Variants in ZBTB20 observed in about 807,000 individuals in gnomAD.
ZBTB20 encodes zinc finger and BTB domain-containing protein 20.
A neutral mutation model predicts 56.9 loss-of-function variants in ZBTB20; 9 were observed. That is an observed-to-expected ratio of 0.16 (90% CI 0.10 to 0.28). The LOEUF is 0.28. ZBTB20 is among the 10% of genes least tolerant of loss of function. ZBTB20 has a pLI of 1.00. For synonymous variants in ZBTB20, 417 were observed against 420.7 expected (o/e 0.99, Z 0.11); for missense variants, 655 against 1,003.0 (o/e 0.65, Z 4.69).
chr3:115,003,565 T>C (rs1190198441), intron 2 of ZBTB20, among the ~76,000 whole-genome samples: 1 of 151,564 alleles, frequency 6.6e-6, no homozygotes, highest in African/African-American at 2.4e-5. Flanking sequence ...TGTGGTGATA[T>C]GAGCCTATAA....
intron 6 of ZBTB20, among the ~76,000 whole-genome samples, chr3:114,626,531 A>G (rs1324008140): frequency 1.3e-5 from 2 of 152,222 alleles, no homozygotes; most frequent in South Asian, 2.1e-4. Flanking sequence ...AGAGGAATCA[A>G]TATGAAGACT....
At chr3:114,736,285 G>A (rs965312896) in intron 5 of ZBTB20, among the ~76,000 whole-genome samples, 3 of 152,024 alleles carry the variant, frequency 2.0e-5, no homozygotes, top group Non-Finnish European at 4.4e-5. Context: ...ATGTTGCCTG[G>A]CACATAAAAA....
chr3:114,636,901 G>A (rs1252613630), intron 6 of ZBTB20, among the ~76,000 whole-genome samples: 1 of 115,886 alleles, frequency 8.6e-6, no homozygotes, highest in African/African-American at 3.4e-5. Flanking sequence ...TCCATATGCT[G>A]TTAAAACAGC....
intron 3 of ZBTB20, among the ~76,000 whole-genome samples, chr3:114,961,666 G>C (rs2077456566): frequency 6.6e-6 from 1 of 152,024 alleles, no homozygotes; most frequent in Admixed American, 6.6e-5. Context: ...CGTTGTTCTT[G>C]CCTAAGAGGA....
chr3:114,384,262 A>G (rs1016360258), intron 8 of ZBTB20, among the ~76,000 whole-genome samples: 3 of 152,066 alleles, frequency 2.0e-5, no homozygotes, highest in African/African-American at 4.8e-5. Flanking sequence ...AAAAAGTTAG[A>G]CAAGCCAACA....
chr3:114,737,210 T>C (rs2066237870), intron 5 of ZBTB20, among the ~76,000 whole-genome samples: 2 of 152,200 alleles, frequency 1.3e-5, no homozygotes, highest in Non-Finnish European at 2.9e-5. Flanking sequence ...AATAGAACTC[T>C]AAAGACTTAG....
intron 4 of ZBTB20, among the ~76,000 whole-genome samples, chr3:114,861,604 T>TG (rs535150183): frequency 7.0e-4 from 107 of 152,134 alleles, no homozygotes; most frequent in African/African-American, 2.4e-3. Flanking sequence ...CCTGTTGCTG[T>TG]GGGGCATTTA....
chr3:114,823,581 T>C (rs2073366533), intron 4 of ZBTB20, among the ~76,000 whole-genome samples: 1 of 152,088 alleles, frequency 6.6e-6, no homozygotes, highest in Non-Finnish European at 1.5e-5. Context: ...TTAAAACTTA[T>C]GCTAAAGCAC....
intron 4 of ZBTB20, among the ~76,000 whole-genome samples, chr3:114,813,036 C>G (rs1011235021): frequency 6.6e-6 from 1 of 152,082 alleles, no homozygotes. Flanking sequence ...CGCACCTCTC[C>G]CTCCACACCT....
At chr3:114,735,940 C>T (rs772985291) in intron 5 of ZBTB20, among the ~76,000 whole-genome samples, 23 of 152,200 alleles carry the variant, frequency 1.5e-4, no homozygotes, top group Admixed American at 7.8e-4. Flanking sequence ...ATGATGGTAA[C>T]GTTTCAAGTA....
At position 114,749,027 on chromosome 3, in the gene ZBTB20, T is replaced by A. The variant is rs567734374; in HGVS notation, c.-343+52074A>T. On this transcript the variant is annotated intron_variant, in intron 5 of 11. Coordinates refer to ENST00000675478, the MANE Select transcript of ZBTB20 (RefSeq NM_001348800.3). ...GTTTTGGAGGAAAAGGTAGGACAAG[T>A]CACAGGAGGCACTCGATGAGAAGTC... is the stretch of plus-strand genomic sequence containing the variant. 2.6e-5 allele frequency among the ~76,000 whole-genome samples: 4 copies of A among 152,272 alleles called. No homozygotes were observed. In the East Asian group the frequency reaches 7.7e-4, roughly 29 times the overall value.
chr3:115,130,630 C>T lies in ZBTB20; in HGVS notation c.-703+16589G>A, dbSNP rs536499715. ...GAACATGTAGAAAATTCTGGTAGCACGTGGTCCAAAATTAACTTAAAGAAA... is the reference window on the plus strand; with the variant it reads ...GAACATGTAGAAAATTCTGGTAGCATGTGGTCCAAAATTAACTTAAAGAAA... On this transcript the variant is annotated intron_variant, in intron 1 of 11. Coordinates refer to ENST00000675478, the MANE Select transcript of ZBTB20 (RefSeq NM_001348800.3). 2.6e-5 allele frequency among the ~76,000 whole-genome samples: 4 copies of T among 152,034 alleles called. No homozygotes were observed. The South Asian group carries it at 6.2e-4, about 24-fold the overall frequency.
intron 2 of ZBTB20, among the ~76,000 whole-genome samples, chr3:114,975,760 G>A (rs1361200638): frequency 6.6e-6 from 1 of 152,188 alleles, no homozygotes; most frequent in Non-Finnish European, 1.5e-5. Flanking sequence ...TAGAGATAAA[G>A]TGGAGGACAC....
At chr3:114,758,199 G>A (rs1366508215) in intron 5 of ZBTB20, among the ~76,000 whole-genome samples, 1 of 152,036 alleles carries the variant, frequency 6.6e-6, no homozygotes, top group Non-Finnish European at 1.5e-5. Context: ...GAGTATCTCT[G>A]TTTCTTAATG....
At chr3:115,049,524 G>A (rs1305661585) in intron 2 of ZBTB20, among the ~76,000 whole-genome samples, 3 of 152,118 alleles carry the variant, frequency 2.0e-5, no homozygotes, top group African/African-American at 4.8e-5. Context: ...CCTTATATAC[G>A]TAGCCTTAAG....
chr3:114,981,783 C>G (rs2078340042), intron 2 of ZBTB20, among the ~76,000 whole-genome samples: 2 of 152,028 alleles, frequency 1.3e-5, no homozygotes, highest in Non-Finnish European at 2.9e-5. Flanking sequence ...CCCCGTCAAT[C>G]TGGTTGCAGA....
chr3:114,577,662 G>A (rs1022074369), intron 6 of ZBTB20, among the ~76,000 whole-genome samples: 1 of 152,112 alleles, frequency 6.6e-6, no homozygotes, highest in African/African-American at 2.4e-5. Context: ...TTGAAATGGT[G>A]GACCTGAACC....
chr3:114,844,520 C>A (rs1229797207), intron 4 of ZBTB20, among the ~76,000 whole-genome samples: 10 of 22,802 alleles, frequency 4.4e-4, no homozygotes, highest in African/African-American at 7.5e-4. Flanking sequence ...GTCCCTGTCT[C>A]AAAAAAAAAA....
intron 1 of ZBTB20, among the ~76,000 whole-genome samples, chr3:115,072,361 T>C (rs1253490637): frequency 6.6e-6 from 1 of 152,144 alleles, no homozygotes; most frequent in Non-Finnish European, 1.5e-5. Context: ...CTGGTTAAGA[T>C]CACAGACTTT....
Sources: allele counts gnomAD v4.1 joint callset (sites outside exome capture counted in the v4.1 genomes callset), GRCh38; gene constraint gnomAD v4.1.1; transcripts MANE v1.5; gene names NCBI Gene and HGNC (gene_info 2026-07-23, HGNC 2026-07-21).